CNTLN: variants seen among roughly 807,000 people sequenced by gnomAD.
The protein encoded by CNTLN is centlein, also known as centlein, centrosomal protein.
Under a neutral mutation model 180.0 loss-of-function variants are expected in CNTLN, and 212 were observed. That is an observed-to-expected ratio of 1.18 (90% CI 1.05 to 1.32). CNTLN has a LOEUF of 1.32. Among genes scored for constraint, CNTLN ranks in the 40% most tolerant of loss-of-function variants. The pLI is 0.00. For missense variants in CNTLN, 2,095 were observed against 1,610.9 expected (o/e 1.30, Z -5.14); for synonymous variants, 722 against 563.1 (o/e 1.28, Z -3.99).
chr9:17,265,844 C>A (rs775102106), intron 5 of CNTLN, among the ~76,000 whole-genome samples: 3 of 152,114 alleles, frequency 2.0e-5, no homozygotes, highest in Non-Finnish European at 2.9e-5. Flanking sequence ...TTGTAGTATT[C>A]TTTCATGGTT....
chr9:17,502,727 C>G lies in CNTLN; in HGVS notation c.*75C>G. On this transcript the variant is annotated 3_prime_UTR_variant, in exon 26 of 26. Transcript: ENST00000380647. Reference sequence around the variant, plus strand: ...TGATTGGAATACATGCATTGCAATCCTGACACGGTATCTGCTCCAACTATC... The same window carrying G: ...TGATTGGAATACATGCATTGCAATCGTGACACGGTATCTGCTCCAACTATC... 2 of 518,398 alleles carry G rather than the reference C, an allele frequency of 3.9e-6. No homozygotes were observed. Among genetic ancestry groups the G allele is most frequent in the African/African-American group, 2.0e-5 (1 of 49,598 alleles). 32.1% of individuals were successfully genotyped at this position (518,398 alleles called of 1,614,324 possible).
intron 18 of CNTLN, among the ~76,000 whole-genome samples, chr9:17,425,042 T>C (rs1828984983): frequency 6.6e-6 from 1 of 152,232 alleles, no homozygotes. Context: ...AAAAGCTCTC[T>C]CCTGAAATAA....
At chr9:17,189,787 T>A (rs4289910) in intron 2 of CNTLN, among the ~76,000 whole-genome samples, 20,956 of 151,992 alleles carry the variant, frequency 0.14, 1,643 homozygotes, top group African/African-American at 0.21. Flanking sequence ...GTGCCTGGGC[T>A]CACTATTAAG....
intron 2 of CNTLN, among the ~76,000 whole-genome samples, chr9:17,153,633 T>G (rs1819054219): frequency 6.6e-6 from 1 of 152,182 alleles, no homozygotes; most frequent in African/African-American, 2.4e-5. Flanking sequence ...TTATGTGTCT[T>G]GGGGTTGCTC....
intron 2 of CNTLN, among the ~76,000 whole-genome samples, chr9:17,220,513 A>T (rs975643056): frequency 2.0e-5 from 3 of 151,972 alleles, no homozygotes; most frequent in Non-Finnish European, 4.4e-5. Flanking sequence ...GAGTTTTGTT[A>T]TACAAATTAT....
At chr9:17,488,258 T>C (rs1057045778) in intron 25 of CNTLN, among the ~76,000 whole-genome samples, 3 of 152,108 alleles carry the variant, frequency 2.0e-5, no homozygotes, top group East Asian at 3.9e-4. Context: ...TAAAAATCAT[T>C]TGCTGAAAGT....
intron 14 of CNTLN, among the ~76,000 whole-genome samples, chr9:17,389,176 C>G (rs1825910521): frequency 6.6e-6 from 1 of 151,956 alleles, no homozygotes; most frequent in Admixed American, 6.6e-5. Context: ...TAACACTTGT[C>G]AGGTCACAAA....
intron 15 of CNTLN, among the ~76,000 whole-genome samples, chr9:17,408,740 G>A (rs758193252): frequency 6.6e-6 from 1 of 151,208 alleles, no homozygotes; most frequent in Non-Finnish European, 1.5e-5. Flanking sequence ...GGCGGAGGTT[G>A]CCATGAGCCA....
intron 19 of CNTLN, among the ~76,000 whole-genome samples, chr9:17,458,743 A>G (rs1831283498): frequency 6.6e-6 from 1 of 151,944 alleles, no homozygotes; most frequent in African/African-American, 2.4e-5. Context: ...ACAAACTAGC[A>G]TTGGGATTCT....
chr9:17,183,837 T>A (rs889195928), intron 2 of CNTLN, among the ~76,000 whole-genome samples: 4 of 152,238 alleles, frequency 2.6e-5, no homozygotes, highest in Non-Finnish European at 5.9e-5. Flanking sequence ...AAGGCATTTC[T>A]AATTTGCATA....
chr9:17,417,216 T>TA (rs1828325594), intron 18 of CNTLN, among the ~76,000 whole-genome samples: 1 of 152,148 alleles, frequency 6.6e-6, no homozygotes, highest in South Asian at 2.1e-4. Flanking sequence ...AACCACTGTA[T>TA]AGGAACCACA....
chr9:17,389,786 A>G (rs949444778), intron 14 of CNTLN, among the ~76,000 whole-genome samples: 1 of 152,184 alleles, frequency 6.6e-6, no homozygotes, highest in Admixed American at 6.5e-5. Context: ...TCACATTGTT[A>G]TTGGCAGAAT....
At chr9:17,444,193 C>T (rs1830272473) in intron 18 of CNTLN, 1 of 152,196 alleles carries the variant, frequency 6.6e-6, no homozygotes, top group Non-Finnish European at 1.5e-5. Context: ...TCTCTTCATT[C>T]CAGACCAGAC....
intron 14 of CNTLN, among the ~76,000 whole-genome samples, chr9:17,391,210 G>C (rs1826087021): frequency 6.6e-6 from 1 of 152,162 alleles, no homozygotes; most frequent in African/African-American, 2.4e-5. Context: ...TGTCTGCTCA[G>C]ATTCTTCTTG....
chr9:17,341,793 T>C (rs1821499215), intron 11 of CNTLN, among the ~76,000 whole-genome samples: 1 of 152,152 alleles, frequency 6.6e-6, no homozygotes. Flanking sequence ...CTTTGATGAG[T>C]GGAAGTGTTT....
At chr9:17,242,315 TC>T (rs113161050) in intron 5 of CNTLN, among the ~76,000 whole-genome samples, 37,609 of 151,582 alleles carry the variant, frequency 0.25, 6,594 homozygotes, top group African/African-American at 0.5. Context: ...TTTTTTTTTT[TC>T]CTTTTGTCTT....
intron 2 of CNTLN, among the ~76,000 whole-genome samples, chr9:17,212,944 T>G (rs1458080238): frequency 3.9e-5 from 6 of 152,210 alleles, no homozygotes. Context: ...TTCTTCTCTC[T>G]TTTCTTCTTT....
At chr9:17,260,551 T>C (rs1322309765) in intron 5 of CNTLN, among the ~76,000 whole-genome samples, 1 of 151,452 alleles carries the variant, frequency 6.6e-6, no homozygotes, top group East Asian at 1.9e-4. Context: ...TTATGGTTTC[T>C]GGATGTTAAA....
chr9:17,254,458 AG>A (rs1826346097), intron 5 of CNTLN, among the ~76,000 whole-genome samples: 3 of 147,524 alleles, frequency 2.0e-5, no homozygotes, highest in Admixed American at 1.3e-4. Context: ...ATCCATTTGG[AG>A]GTTTTTTTTT....
Sources: gnomAD v4.1 joint callset for allele counts (sites outside exome capture counted in the v4.1 genomes callset) on GRCh38, gnomAD v4.1.1 for gene constraint, MANE v1.5 for transcripts, NCBI Gene and HGNC (gene_info 2026-07-23, HGNC 2026-07-21) for gene names.